The following LUC7L variants were observed in gnomAD, a reference collection of about 807,000 sequenced individuals.
LUC7L encodes the protein LUC7 like, also known as putative RNA-binding protein Luc7-like 1.
In LUC7L, 29 loss-of-function variants were observed where a neutral mutation model predicts 51.1. That is an observed-to-expected ratio of 0.57 (90% CI 0.42 to 0.77). The LOEUF (loss-of-function observed/expected upper bound fraction) is 0.77, where lower values mean the gene tolerates loss of function less well. Ranked by LOEUF, LUC7L falls within the 30% of genes least tolerant of loss-of-function variation. The pLI is 0.00. For synonymous variants in LUC7L, 181 were observed against 180.7 expected, an observed-to-expected ratio of 1.00 and a Z score of -0.01; for missense variants, 403 against 511.9, an observed-to-expected ratio of 0.79 and a Z score of 2.05.
intron 2 of LUC7L, among the ~76,000 whole-genome samples, chr16:224,387 C>T (rs1358972000): frequency 1.3e-5 from 2 of 151,060 alleles, no homozygotes; most frequent in Admixed American, 6.6e-5. Flanking sequence ...GGTGTGGTAG[C>T]GCACGTTTGT....
chr16:228,607 A>G (rs2050185035), intron 1 of LUC7L: 1 of 1,188,676 alleles, frequency 8.4e-7, no homozygotes. Context: ...GAAAACACAA[A>G]CCACAGCAGG....
intron 2 of LUC7L, among the ~76,000 whole-genome samples, chr16:226,210 C>CG (rs1567195775): frequency 6.6e-6 from 1 of 152,152 alleles, no homozygotes; most frequent in Admixed American, 6.6e-5. Flanking sequence ...TACATCTGAG[C>CG]GGTTTTCCAG....
At chr16:216,648 G>C (rs1361874611) in intron 3 of LUC7L, among the ~76,000 whole-genome samples, 12 of 152,146 alleles carry the variant, frequency 7.9e-5, no homozygotes, top group African/African-American at 2.4e-5. Flanking sequence ...CCGAAGTGCT[G>C]AGATTACAGG....
chr16:196,647 C>A (rs1413139794), intron 6 of LUC7L, among the ~76,000 whole-genome samples: 1 of 151,516 alleles, frequency 6.6e-6, no homozygotes, highest in African/African-American at 2.4e-5. Flanking sequence ...CCTGCCTCAG[C>A]CTGCCAAGTA....
At chr16:226,100 T>C (rs2050125303) in intron 2 of LUC7L, among the ~76,000 whole-genome samples, 1 of 152,122 alleles carries the variant, frequency 6.6e-6, no homozygotes, top group South Asian at 2.1e-4. Context: ...CGTTTTCCCA[T>C]CCCAGGCCAA....
intron 3 of LUC7L, among the ~76,000 whole-genome samples, chr16:213,314 A>C (rs1333512634): frequency 2.6e-5 from 4 of 152,144 alleles, no homozygotes; most frequent in Non-Finnish European, 4.4e-5. Flanking sequence ...GAGTACTGGG[A>C]GGATCCTGGG....
rs1460712451 is a variant in LUC7L, at chr16:199,049, C to T, written c.687+13G>A. 56 of 1,577,452 alleles carry T rather than the reference C, an allele frequency of 3.6e-5. No homozygotes were observed. The highest frequency in any genetic ancestry group is 4.7e-5 in the Non-Finnish European group (54 of 1,155,508). ...AAGACTCCTCAGCTTTCTCCAGAAA[C>T]AGATGAACATACCCTCAACTGATCA... On this transcript the variant is annotated intron_variant, in intron 6 of 9. Coordinates refer to ENST00000293872, the MANE Select transcript of LUC7L (RefSeq NM_201412.3).
At chr16:223,115 T>A (rs182291454) in intron 2 of LUC7L, among the ~76,000 whole-genome samples, 1 of 151,446 alleles carries the variant, frequency 6.6e-6, no homozygotes. Context: ...ATCCCAGCAC[T>A]TTGGGAGGCC....
intron 3 of LUC7L, among the ~76,000 whole-genome samples, chr16:216,703 T>G (rs1596661678): frequency 6.6e-6 from 1 of 152,118 alleles, no homozygotes; most frequent in Non-Finnish European, 1.5e-5. Context: ...ATGAGCCCCC[T>G]GTAAGGTCAA....
intron 2 of LUC7L, among the ~76,000 whole-genome samples, chr16:224,442 C>T (rs375780210): frequency 1.3e-5 from 2 of 151,186 alleles, no homozygotes; most frequent in African/African-American, 4.9e-5. Flanking sequence ...TTGCTTGAGC[C>T]CGGGAGGCGG....
Position 189,153 on chromosome 16 carries a change from T to A in LUC7L, c.*45A>T, listed in dbSNP as rs761060488. ...GCAAATATAAAGGGTAATTTTAGAC[T>A]GTGTGAACGTTTATCAGACTATTTA... On this transcript the variant is annotated 3_prime_UTR_variant, in exon 10 of 10. Transcript: ENST00000293872. 6.4e-7 allele frequency: 1 copy of A among 1,552,988 alleles called. No homozygotes were observed. Among genetic ancestry groups the A allele is most frequent in the South Asian group, 1.2e-5 (1 of 86,476 alleles).
At chr16:206,207 A>G (rs1196041864) in intron 4 of LUC7L, 60 bp from the exon 5 acceptor site, 21 of 1,535,104 alleles carry the variant, frequency 1.4e-5, no homozygotes, top group Non-Finnish European at 1.8e-5. Context: ...TGCAAAGGCA[A>G]CAAGGGTTTC....
rs538522161 is a variant in LUC7L at position 204,434 on chromosome 16, G to A, written c.510+1570C>T. ...CAGTGAAACCCCATCTCTACTGAAAGTACAAAAAAATTAGCCGGGCGTGGT... is the reference window on the plus strand; with the variant it reads ...CAGTGAAACCCCATCTCTACTGAAAATACAAAAAAATTAGCCGGGCGTGGT... On this transcript the variant is annotated intron_variant, in intron 5 of 9. Coordinates refer to ENST00000293872, the MANE Select transcript of LUC7L (RefSeq NM_201412.3). 6.3e-4 allele frequency among the ~76,000 whole-genome samples: 95 copies of A among 151,944 alleles called. No homozygotes were observed. In the East Asian group the frequency reaches 8.2e-3, roughly 13 times the overall value.
chr16:197,884 G>T (rs1190243332), intron 6 of LUC7L, among the ~76,000 whole-genome samples: 1 of 152,132 alleles, frequency 6.6e-6, no homozygotes, highest in African/African-American at 2.4e-5. Flanking sequence ...GTCCTAGTAT[G>T]CGGTAAGGGG....
In LUC7L at chr16:211,908, A is replaced by T. The variant is rs181983942; in HGVS notation, c.256-3720T>A. ...CACTGACACAGGCCGGTGGTCACTG[A>T]GCCTGAGAAAAGCCCATGATGTCAG... On this transcript the variant is annotated intron_variant, in intron 3 of 9. Transcript: ENST00000293872. 3.3e-3 allele frequency among the ~76,000 whole-genome samples: 501 copies of T among 152,286 alleles called. 1 individual carries two copies. The highest frequency in any genetic ancestry group is 0.011 in the African/African-American group (470 of 41,570).
At chr16:220,825 A>G in intron 2 of LUC7L, 78 bp from the exon 3 acceptor site, 1 of 848,668 alleles carries the variant, frequency 1.2e-6, no homozygotes, top group Non-Finnish European at 2.0e-6. Flanking sequence ...TGGTGTTTCA[A>G]CTGTCACCAA....
At chr16:205,396 C>T (rs1209624304) in intron 5 of LUC7L, among the ~76,000 whole-genome samples, 1 of 152,090 alleles carries the variant, frequency 6.6e-6, no homozygotes, top group Non-Finnish European at 1.5e-5. Context: ...GACTAGTATC[C>T]TCATATATTT....
At chr16:197,799 C>CTGT (rs1289280144) in intron 6 of LUC7L, among the ~76,000 whole-genome samples, 2 of 152,074 alleles carry the variant, frequency 1.3e-5, no homozygotes, top group Admixed American at 1.3e-4. Flanking sequence ...CTGCAGTCAG[C>CTGT]GACACGTCTG....
At chr16:213,656 C>T (rs1377305050) in intron 3 of LUC7L, among the ~76,000 whole-genome samples, 3 of 152,152 alleles carry the variant, frequency 2.0e-5, no homozygotes, top group East Asian at 1.9e-4. Context: ...CCGTCTGCCT[C>T]GGCCTCCCAA....
Sources: gnomAD v4.1 joint callset for allele counts (sites outside exome capture counted in the v4.1 genomes callset) on GRCh38, gnomAD v4.1.1 for gene constraint, MANE v1.5 for transcripts, NCBI Gene and HGNC (gene_info 2026-07-23, HGNC 2026-07-21) for gene names.